The following PLEC variants were observed in gnomAD, a reference collection of about 807,000 sequenced individuals.
PLEC encodes the protein plectin, also known as hemidesmosomal protein 1.
A neutral mutation model predicts 392.8 loss-of-function variants in PLEC; 216 were observed. That is an observed-to-expected ratio of 0.55 (90% CI 0.49 to 0.62). The LOEUF (loss-of-function observed/expected upper bound fraction) is 0.62, where lower values mean the gene tolerates loss of function less well. PLEC is among the 20% of genes least tolerant of loss of function. The probability of loss-of-function intolerance (pLI) is 0.00; values close to 1 mark genes in which losing one functional copy is unlikely to be tolerated. For synonymous variants in PLEC, 3,621 were observed against 2,980.6 expected, an observed-to-expected ratio of 1.21 and a Z score of -7.00; for missense variants, 6,863 against 6,563.4, an observed-to-expected ratio of 1.05 and a Z score of -1.58.
chr8:143,940,955 G>A (rs899936912), upstream of PLEC, among the ~76,000 whole-genome samples: 6 of 152,146 alleles, frequency 3.9e-5, no homozygotes, highest in African/African-American at 1.4e-4. Flanking sequence ...CTGCCTGTCC[G>A]GCCCAGCAGC....
chr8:143,973,908 C>T (rs1833565406), upstream of PLEC, among the ~76,000 whole-genome samples: 1 of 152,026 alleles, frequency 6.6e-6, no homozygotes, highest in South Asian at 2.1e-4. The surrounding 1 kb of genome is among the most constrained non-coding windows in gnomAD (Gnocchi z 5.6). Context: ...ACATTGGAGA[C>T]GACTGAGTCG....
upstream of PLEC, among the ~76,000 whole-genome samples, chr8:143,952,760 T>C (rs930826750): frequency 6.6e-5 from 10 of 152,008 alleles, no homozygotes; most frequent in Non-Finnish European, 1.3e-4. Flanking sequence ...GTGCCAGGAC[T>C]GACCCCCGCT....
In PLEC at chr8:143,926,275, C is replaced by G. The variant is rs370182757; in HGVS notation, c.4045-391G>C. ...CCACCACTGGACCCCTCTCCCCGAC[C>G]AGGGTGGGAAGCCTGGGTGGGGCGG... On this transcript the variant is annotated intron_variant, in intron 30 of 31. Transcript: ENST00000345136. 1.2e-4 allele frequency among the ~76,000 whole-genome samples: 19 copies of G among 152,346 alleles called. No homozygotes were observed. The East Asian group carries it at 3.1e-3, about 25-fold the overall frequency.
At chr8:143,930,096 C>A in intron 21 of PLEC, 34 bp from the exon 22 acceptor site, 1 of 1,602,520 alleles carries the variant, frequency 6.2e-7, no homozygotes. Flanking sequence ...GCGTCACCAG[C>A]GCCCCACCCG....
In PLEC at chr8:143,937,016, G is replaced by A. The variant is rs370111212; in HGVS notation, c.398C>T (p.Thr133Ile). Reference sequence around the variant, plus strand: ...AATGATTGTCCAGATGAGGCCAAGGGTCAGCTTGGGGTTGCCGTCAGCGAT... The same window carrying A: ...AATGATTGTCCAGATGAGGCCAAGGATCAGCTTGGGGTTGCCGTCAGCGAT... ...DDIADGNPKL[T>I]LGLIWTIILH... is the part of the protein sequence containing the mutation. The change falls in exon 5 of 32, where the codon ACC (threonine) becomes ATC (isoleucine). Residue 133 changes from threonine (T) to isoleucine (I), a missense_variant. Thr to Ile is a moderately conservative substitution (Grantham distance 89, BLOSUM62 -1). Transcript: ENST00000345136. The A allele has an allele frequency of 1.1e-5, 17 of 1,612,948 alleles. No individual in the cohort carries two copies. Among genetic ancestry groups the A allele is most frequent in the Non-Finnish European group, 1.4e-5 (16 of 1,179,764 alleles).
chr8:143,950,065 G>T, intron 1 of PLEC: 1 of 1,316,906 alleles, frequency 7.6e-7, no homozygotes, highest in Non-Finnish European at 1.0e-6. Context: ...GCTGGTGTGA[G>T]CGACGCTCCG....
At position 143,927,504 on chromosome 8, in the gene PLEC, G is replaced by A; in HGVS notation, c.3662C>T (p.Ala1221Val). ...YYRESADPLGAWLQDARRRQE... is the reference protein window; with the variant it reads ...YYRESADPLGVWLQDARRRQE... ...CCGCCGCCTGGCGTCCTGCAGCCAG[G>A]CGCCCAAGGGGTCTGCACTCTCGCG... is the stretch of plus-strand genomic sequence containing the variant. Residue 1221 changes from alanine to valine, a missense_variant, in exon 27 of 32, where the codon GCC becomes GTC. Ala to Val is a moderately conservative substitution (Grantham distance 64). Coordinates refer to ENST00000345136, the MANE Select transcript of PLEC (RefSeq NM_201384.3). The A allele has an allele frequency of 2.5e-6, 4 of 1,596,904 alleles. No homozygotes were observed. Among genetic ancestry groups the A allele is most frequent in the Non-Finnish European group, 3.4e-6 (4 of 1,178,644 alleles).
upstream of PLEC, among the ~76,000 whole-genome samples, chr8:143,940,025 G>A (rs1454914591): frequency 1.3e-5 from 2 of 152,170 alleles, no homozygotes; most frequent in Non-Finnish European, 2.9e-5. Flanking sequence ...CTGCCAGGGC[G>A]GACTCAAGAA....
upstream of PLEC, among the ~76,000 whole-genome samples, chr8:143,956,443 C>T (rs1290476799): frequency 6.6e-6 from 1 of 152,180 alleles, no homozygotes; most frequent in Non-Finnish European, 1.5e-5. Context: ...TGGCCTGGGC[C>T]TGTGGTCCCA....
At chr8:143,953,608 C>T (rs1364227092), upstream of PLEC, 3 of 1,114,372 alleles carry the variant, frequency 2.7e-6, no homozygotes, top group African/African-American at 4.6e-5. Flanking sequence ...GGCTCAGCGA[C>T]CCACAGTGTC....
intron 2 of PLEC, 111 bp from the exon 3 acceptor site, chr8:143,938,351 G>A: frequency 6.5e-7 from 1 of 1,536,084 alleles, no homozygotes; most frequent in Non-Finnish European, 8.7e-7. Flanking sequence ...GGCGGGGGCT[G>A]AGTCTCCCGG....
rs1554706274 is a variant in PLEC, at chr8:143,926,963, C to T, written c.3945+14G>A. 2.5e-6 allele frequency: 4 copies of T among 1,609,768 alleles called. No homozygotes were observed. The highest frequency in any genetic ancestry group is 1.7e-5 in the Admixed American group (1 of 60,022). On this transcript the variant is annotated intron_variant, in intron 29 of 31. Transcript: ENST00000345136. Reference sequence around the variant, plus strand: ...TGCCAGCCCCTCACCCAGTTAGGTTCGGCCCCACCCTACCTCCTGGATGAC... The same window carrying T: ...TGCCAGCCCCTCACCCAGTTAGGTTTGGCCCCACCCTACCTCCTGGATGAC...
At chr8:143,939,728 C>T (rs1830077013), upstream of PLEC, 4 of 1,121,046 alleles carry the variant, frequency 3.6e-6, no homozygotes, top group Non-Finnish European at 4.8e-6. Flanking sequence ...CCCCCTCCCC[C>T]ACAGACACGC....
chr8:143,917,895 C>G lies in PLEC; in HGVS notation c.11926G>C (p.Val3976Leu), dbSNP rs782422260. The change falls in exon 32 of 32, where the codon GTC (valine) becomes CTC (leucine). Residue 3976 changes from valine to leucine, a missense_variant. Val to Leu is a conservative substitution (Grantham distance 32, BLOSUM62 1). Transcript: ENST00000345136. ...LLEAQAATGY[V>L]IDPIKGLKLT... The stretch of plus-strand genomic sequence containing the variant: ...TTCAGTCCCTTGATGGGGTCGATGA[C>G]GTAACCGGTGGCCGCCTGCGCCTCC... The G allele has an allele frequency of 6.2e-7, 1 of 1,613,030 alleles. No homozygotes were observed.
intron 25 of PLEC, among the ~76,000 whole-genome samples, chr8:143,928,473 C>T (rs113455534): frequency 3.5e-5 from 5 of 142,238 alleles, no homozygotes; most frequent in African/African-American, 1.4e-4. Flanking sequence ...CAGGAAGAGG[C>T]GGCGGCCCTA....
intron 2 of PLEC, 54 bp from the exon 3 acceptor site, chr8:143,938,294 CCT>C: frequency 6.5e-7 from 1 of 1,536,636 alleles, no homozygotes; most frequent in South Asian, 1.2e-5. Context: ...ACCAATAGGC[CCT>C]GAGTGGCTGA....
At chr8:143,946,892 C>T (rs1831556826) in intron 1 of PLEC, among the ~76,000 whole-genome samples, 1 of 152,034 alleles carries the variant, frequency 6.6e-6, no homozygotes, top group African/African-American at 2.4e-5. Flanking sequence ...GTGGTCTCTT[C>T]CTCCACCTGA....
chr8:143,922,425 C>G, intron 31 of PLEC, 30 bp from the exon 32 acceptor site: 2 of 1,600,540 alleles, frequency 1.2e-6, no homozygotes, highest in African/African-American at 1.3e-5. Context: ...GATCAGGGAC[C>G]GCCAGCCCAG....
At chr8:143,945,564 A>T (rs1831338095) in intron 1 of PLEC, among the ~76,000 whole-genome samples, 1 of 152,172 alleles carries the variant, frequency 6.6e-6, no homozygotes, top group Non-Finnish European at 1.5e-5. Flanking sequence ...CCCATTCCAC[A>T]GCGTCGCTCC....
Sources: allele counts gnomAD v4.1 joint callset (sites outside exome capture counted in the v4.1 genomes callset), GRCh38; gene constraint gnomAD v4.1.1; non-coding constraint Gnocchi (gnomAD v3.1); transcripts MANE v1.5; gene names NCBI Gene and HGNC (gene_info 2026-07-23, HGNC 2026-07-21).